Variants in LEF1 observed in about 807,000 individuals in gnomAD.
LEF1 encodes the protein lymphoid enhancer-binding factor 1.
A neutral mutation model predicts 51.2 loss-of-function variants in LEF1; 14 were observed. That is an observed-to-expected ratio of 0.27 (90% CI 0.18 to 0.43). The LOEUF is 0.43. LEF1 is among the 20% of genes least tolerant of loss of function. LEF1 has a pLI of 1.00. For synonymous variants in LEF1, 185 were observed against 183.2 expected (o/e 1.01, Z -0.08); for missense variants, 386 against 512.0 (o/e 0.75, Z 2.37).
At chr4:108,079,959 C>T (rs375462724) in intron 6 of LEF1, among the ~76,000 whole-genome samples, 62 of 152,148 alleles carry the variant, frequency 4.1e-4, no homozygotes, top group African/African-American at 1.5e-3. Context: ...GCCTATATTC[C>T]TAAGCAAACC....
intron 3 of LEF1, among the ~76,000 whole-genome samples, chr4:108,135,350 C>T (rs1578384295): frequency 1.3e-5 from 2 of 152,328 alleles, no homozygotes; most frequent in East Asian, 3.9e-4. Context: ...GCCACAACAG[C>T]AAACGTTCTG....
chr4:108,128,795 C>T (rs1366800538), intron 3 of LEF1, among the ~76,000 whole-genome samples: 2 of 152,098 alleles, frequency 1.3e-5, no homozygotes, highest in African/African-American at 4.8e-5. Context: ...AATTGTAAAT[C>T]ATGAGAAGAG....
At chr4:108,070,813 A>C in intron 8 of LEF1, 43 bp from the exon 9 acceptor site, 2 of 1,253,494 alleles carry the variant, frequency 1.6e-6, no homozygotes, top group Non-Finnish European at 2.3e-6. Context: ...AGTAAGCAAA[A>C]TAGCAATAGC....
chr4:108,070,917 T>C (rs1433794582), intron 8 of LEF1, 147 bp from the exon 9 acceptor site: 7 of 624,000 alleles, frequency 1.1e-5, no homozygotes, highest in African/African-American at 3.7e-5. Context: ...CCAAGTGCCG[T>C]AGAAATCTCC....
chr4:108,089,319 A>G, intron 3 of LEF1, 62 bp from the exon 4 acceptor site: 1 of 1,561,744 alleles, frequency 6.4e-7, no homozygotes, highest in Admixed American at 2.0e-5. Context: ...TTTTCTCCCA[A>G]AGAAAAAAAT....
chr4:108,081,818 G>T, intron 5 of LEF1, 149 bp from the exon 6 acceptor site: 1 of 626,984 alleles, frequency 1.6e-6, no homozygotes, highest in Non-Finnish European at 2.9e-6. Context: ...AAACGTAACC[G>T]TTCCCCTTCC....
intron 1 of LEF1, among the ~76,000 whole-genome samples, chr4:108,165,757 G>A (rs1353827792): frequency 4.6e-5 from 7 of 152,208 alleles, no homozygotes; most frequent in African/African-American, 1.7e-4. Flanking sequence ...TGGTTAAAGG[G>A]AGGAAAATTA....
At chr4:108,113,165 A>G (rs1249317838) in intron 3 of LEF1, among the ~76,000 whole-genome samples, 1 of 152,238 alleles carries the variant, frequency 6.6e-6, no homozygotes, top group Non-Finnish European at 1.5e-5. Flanking sequence ...TTCACTAAAG[A>G]GGAAGAAATA....
chr4:108,064,477 G>C, intron 9 of LEF1, 93 bp from the exon 10 acceptor site: 1 of 902,304 alleles, frequency 1.1e-6, no homozygotes, highest in Non-Finnish European at 1.8e-6. Flanking sequence ...GGTCAACAAA[G>C]AGGTAAAGAT....
At chr4:108,088,441 T>C (rs983373682) in intron 4 of LEF1, among the ~76,000 whole-genome samples, 4 of 152,204 alleles carry the variant, frequency 2.6e-5, no homozygotes, top group Non-Finnish European at 5.9e-5. Flanking sequence ...GCGCCCTGAG[T>C]GATGGGACCA....
At chr4:108,141,385 C>A (rs535374668) in intron 3 of LEF1, among the ~76,000 whole-genome samples, 3 of 152,190 alleles carry the variant, frequency 2.0e-5, no homozygotes, top group African/African-American at 4.8e-5. Flanking sequence ...TGCCTCCCCC[C>A]CCGCCACATC....
intron 3 of LEF1, among the ~76,000 whole-genome samples, chr4:108,153,127 T>C (rs1466659607): frequency 2.0e-5 from 3 of 152,118 alleles, no homozygotes; most frequent in African/African-American, 7.2e-5. Flanking sequence ...CAGCACCTCA[T>C]GCACTCTCTA....
chr4:108,108,087 G>C (rs1323140223), intron 3 of LEF1, among the ~76,000 whole-genome samples: 1 of 152,198 alleles, frequency 6.6e-6, no homozygotes, highest in East Asian at 1.9e-4. Context: ...ATTCAAGAGA[G>C]AGATGCAAGT....
chr4:108,117,456 T>C (rs1353469732), intron 3 of LEF1, among the ~76,000 whole-genome samples: 1 of 152,232 alleles, frequency 6.6e-6, no homozygotes, highest in Non-Finnish European at 1.5e-5. Flanking sequence ...AATGAAAGCA[T>C]AACAAAGCTT....
In LEF1 at chr4:108,048,669, T is replaced by G. The variant is rs1578276000; in HGVS notation, c.*89A>C. 6.3e-7 allele frequency: 1 copy of G among 1,591,106 alleles called. No individual in the cohort carries two copies. The highest frequency in any genetic ancestry group is 8.6e-7 in the Non-Finnish European group (1 of 1,167,784). On this transcript the variant is annotated 3_prime_UTR_variant, in exon 12 of 12. Coordinates refer to ENST00000265165, the MANE Select transcript of LEF1 (RefSeq NM_016269.5). ...GGGCAGGCCGTGGAGACAGTCTGGG[T>G]TTTCAACAAGCTTCCATCTCCAGAA...
chr4:108,081,537 C>A (rs758583812), intron 6 of LEF1, 49 bp downstream of exon 6: 1 of 1,477,246 alleles, frequency 6.8e-7, no homozygotes, highest in East Asian at 2.3e-5. Context: ...GATGCAAGCA[C>A]GAGAAGAGCA....
In LEF1 at chr4:108,085,542, T is replaced by A. The variant is rs1578324011; in HGVS notation, c.548-2096A>T. ...TGTCTTTAAGCTTAAACTCTTACTC[T>A]CCGTACTACTCCATGTTCTAAGCAT... On this transcript the variant is annotated intron_variant, in intron 4 of 11. Transcript: ENST00000265165. Among the ~76,000 whole-genome samples, 6 of 152,270 alleles carry A rather than the reference T, an allele frequency of 3.9e-5. 1 individual carries two copies. The South Asian group carries it at 1.2e-3, about 32-fold the overall frequency.
chr4:108,140,369 G>C (rs1359510146), intron 3 of LEF1, among the ~76,000 whole-genome samples: 1 of 152,174 alleles, frequency 6.6e-6, no homozygotes, highest in African/African-American at 2.4e-5. Flanking sequence ...CTTGTCCTCC[G>C]TGTTTCCTTG....
rs114350835 is a variant in LEF1, at chr4:108,078,894, G to A, written c.846-512C>T. Among the ~76,000 whole-genome samples, 209 of 152,190 alleles carry A rather than the reference G, an allele frequency of 1.4e-3. 2 individuals are homozygous for A. Among genetic ancestry groups the A allele is most frequent in the African/African-American group, 4.8e-3 (200 of 41,522 alleles). On this transcript the variant is annotated intron_variant, in intron 7 of 11. Coordinates refer to ENST00000265165, the MANE Select transcript of LEF1 (RefSeq NM_016269.5). ...GTTGCCTTTGCATACATTCGCAAGG[G>A]CTTTATGGACCATCACATGCTGCCT...
Sources: allele counts gnomAD v4.1 joint callset (sites outside exome capture counted in the v4.1 genomes callset), GRCh38; gene constraint gnomAD v4.1.1; transcripts MANE v1.5; gene names NCBI Gene and HGNC (gene_info 2026-07-23, HGNC 2026-07-21).